EML4: variants seen among roughly 807,000 people sequenced by gnomAD.
EML4 encodes echinoderm microtubule-associated protein-like 4.
EML4 carries 72 observed loss-of-function variants against 129.0 expected under a neutral mutation model. The ratio of observed to expected loss-of-function variants is 0.56; its 90% CI spans 0.46 to 0.68. EML4 has a LOEUF of 0.68. EML4 is among the 30% of genes least tolerant of loss of function. The pLI is 0.00. For synonymous variants in EML4, 532 were observed against 405.0 expected, an observed-to-expected ratio of 1.31 and a Z score of -3.77; for missense variants, 1,363 against 1,190.6, an observed-to-expected ratio of 1.14 and a Z score of -2.13.
rs1388045554 is a variant in EML4, at chr2:42,169,453, T to C, written c.-159T>C. 1 of 732,104 alleles carries C rather than the reference T, an allele frequency of 1.4e-6. No homozygotes were observed. The highest frequency in any genetic ancestry group is 2.1e-6 in the Non-Finnish European group (1 of 482,344). The allele number at this position is 732,104 out of a possible 1,614,324, so 45.4% of individuals were successfully genotyped here. On this transcript the variant is annotated 5_prime_UTR_variant, in exon 1 of 23. Transcript: ENST00000318522. ...AGTGGTTCGGGCGGCCGCGGCTTACTACCCCAGGGCGAACGGACGGACGAC... is the reference window on the plus strand; with the variant it reads ...AGTGGTTCGGGCGGCCGCGGCTTACCACCCCAGGGCGAACGGACGGACGAC...
At chr2:42,183,654 T>C (rs1203226128) in intron 1 of EML4, among the ~76,000 whole-genome samples, 1 of 152,190 alleles carries the variant, frequency 6.6e-6, no homozygotes, top group Admixed American at 6.5e-5. Flanking sequence ...TTTAAATCGT[T>C]TATATTTAAG....
chr2:42,183,698 T>C (rs1044170741), intron 1 of EML4, among the ~76,000 whole-genome samples: 1 of 152,192 alleles, frequency 6.6e-6, no homozygotes, highest in African/African-American at 2.4e-5. Flanking sequence ...CAAGTATAAA[T>C]AATATACTAT....
In EML4 at chr2:42,295,216, C is replaced by T. The variant is rs773349132; in HGVS notation, c.1310C>T (p.Thr437Ile). The change falls in exon 12 of 23, where the codon ACC becomes ATC. Residue 437 changes from threonine (T) to isoleucine (I), a missense_variant. Thr to Ile is a moderately conservative substitution (Grantham distance 89, BLOSUM62 -1). Transcript: ENST00000318522. ...GGTAAATCTCATATTTTCTTCTGGA[C>T]CTGGAGCGGCAATTCACTAACAAGA... is the stretch of plus-strand genomic sequence containing the variant. The part of the protein sequence containing the change: ...TCGKSHIFFW[T>I]WSGNSLTRKQ... The T allele has an allele frequency of 3.5e-5, 57 of 1,613,376 alleles. 1 individual carries two copies. The South Asian group carries it at 6.1e-4, about 17-fold the overall frequency.
At chr2:42,272,697 A>G (rs553472470) in intron 6 of EML4, among the ~76,000 whole-genome samples, 115 of 152,346 alleles carry the variant, frequency 7.5e-4, no homozygotes, top group African/African-American at 2.6e-3. Flanking sequence ...TTTAAAAAGT[A>G]TGTGTATAGC....
chr2:42,232,105 A>G (rs1674383839), intron 1 of EML4, among the ~76,000 whole-genome samples: 2 of 152,218 alleles, frequency 1.3e-5, no homozygotes, highest in Admixed American at 1.3e-4. Flanking sequence ...ACTGTAACAG[A>G]AAAGAGAGAA....
In EML4 at chr2:42,169,361, C is replaced by A. The variant is rs1430490648; in HGVS notation, c.-251C>A. On this transcript the variant is annotated 5_prime_UTR_variant, in exon 1 of 23. Coordinates refer to ENST00000318522, the MANE Select transcript of EML4 (RefSeq NM_019063.5). ...GCGGGGCGCGGCGCGGCGCGGCGCT[C>A]GCGGCTGCTGCCTGGGAGGGAGGCC... 9.9e-6 allele frequency: 2 copies of A among 201,314 alleles called. No individual in the cohort carries two copies. Among genetic ancestry groups the A allele is most frequent in the Non-Finnish European group, 1.0e-5 (1 of 99,712 alleles). The allele number at this position is 201,314 out of a possible 1,614,324, so 12.5% of individuals were successfully genotyped here.
intron 1 of EML4, among the ~76,000 whole-genome samples, chr2:42,174,911 G>A (rs113719028): frequency 1.1e-4 from 16 of 151,398 alleles, no homozygotes; most frequent in African/African-American, 3.4e-4. Flanking sequence ...TCCGCCTCCC[G>A]GGTTTAGGCA....
At chr2:42,263,353 T>A (rs777875015) in intron 5 of EML4, 47 bp downstream of exon 5, 13 of 1,538,938 alleles carry the variant, frequency 8.4e-6, no homozygotes. Flanking sequence ...AATAATTATT[T>A]GGCTATTATG....
intron 1 of EML4, among the ~76,000 whole-genome samples, chr2:42,191,263 A>G (rs1239440712): frequency 6.6e-6 from 1 of 152,222 alleles, no homozygotes; most frequent in Non-Finnish European, 1.5e-5. Context: ...GGTAAGTTAT[A>G]CATTATCATT....
Position 42,303,742 on chromosome 2 carries a change from G to A in EML4, c.1899+296G>A, listed in dbSNP as rs1053106453. 7.2e-5 allele frequency among the ~76,000 whole-genome samples: 11 copies of A among 152,086 alleles called. No individual in the cohort carries two copies. In the East Asian group the frequency reaches 9.7e-4, roughly 13 times the overall value. The stretch of plus-strand genomic sequence containing the variant: ...AGATCGAGACCATCCTGGCTAACAC[G>A]GTGAAGCCCTGTCTCTAGTAAAAAT... On this transcript the variant is annotated intron_variant, in intron 16 of 22. Coordinates refer to ENST00000318522, the MANE Select transcript of EML4 (RefSeq NM_019063.5).
At chr2:42,326,009 T>C (rs776098733) in intron 20 of EML4, 145 bp from the exon 21 acceptor site, 12 of 1,165,100 alleles carry the variant, frequency 1.0e-5, no homozygotes, top group South Asian at 4.5e-5. Flanking sequence ...GTGAACACTT[T>C]CTTTTCCTTT....
intron 6 of EML4, 92 bp downstream of exon 6, chr2:42,264,823 T>G: frequency 7.2e-7 from 1 of 1,396,990 alleles, no homozygotes; most frequent in Non-Finnish European, 9.9e-7. Flanking sequence ...GTGCACTTTA[T>G]CAGTTCATAG....
intron 1 of EML4, among the ~76,000 whole-genome samples, chr2:42,199,495 G>T (rs1288604003): frequency 6.6e-6 from 1 of 152,166 alleles, no homozygotes; most frequent in African/African-American, 2.4e-5. Flanking sequence ...GAGACTTTTG[G>T]AGTAATCATA....
intron 1 of EML4, among the ~76,000 whole-genome samples, chr2:42,180,941 G>T (rs1426939583): frequency 6.6e-6 from 1 of 152,146 alleles, no homozygotes; most frequent in African/African-American, 2.4e-5. Flanking sequence ...TTGTTTTGTA[G>T]ACTGTCCCTA....
chr2:42,208,036 G>A (rs1015301511), intron 1 of EML4: 3 of 152,212 alleles, frequency 2.0e-5, no homozygotes, highest in East Asian at 3.8e-4. Context: ...AGCGTACTTC[G>A]TGATAGCAGC....
At chr2:42,216,383 C>T (rs761751554) in intron 1 of EML4, among the ~76,000 whole-genome samples, 3 of 151,646 alleles carry the variant, frequency 2.0e-5, no homozygotes, top group African/African-American at 2.4e-5. Flanking sequence ...GCTGGGATTA[C>T]AGGTGTGTGC....
At chr2:42,325,320 C>CTG (rs1414534050) in intron 19 of EML4, 147 bp from the exon 20 acceptor site, 2 of 628,590 alleles carry the variant, frequency 3.2e-6, no homozygotes, top group Non-Finnish European at 6.2e-6. Context: ...TGCTGTGAGC[C>CTG]TGCTCAGTTT....
chr2:42,224,356 T>G (rs551753222), intron 1 of EML4, among the ~76,000 whole-genome samples: 1 of 152,310 alleles, frequency 6.6e-6, no homozygotes, highest in African/African-American at 2.4e-5. Context: ...CAAGATTTCA[T>G]CCATGTTGCA....
At chr2:42,297,587 T>C (rs1003544825) in intron 13 of EML4, among the ~76,000 whole-genome samples, 1 of 152,198 alleles carries the variant, frequency 6.6e-6, no homozygotes, top group Non-Finnish European at 1.5e-5. Context: ...AGGTTTTCAA[T>C]TGGCTGGGAA....
Sources: allele counts gnomAD v4.1 joint callset (sites outside exome capture counted in the v4.1 genomes callset), GRCh38; gene constraint gnomAD v4.1.1; transcripts MANE v1.5; gene names NCBI Gene and HGNC (gene_info 2026-07-23, HGNC 2026-07-21).